CNTNAP2: variants seen among roughly 807,000 people sequenced by gnomAD.
CNTNAP2 encodes contactin associated protein 2, also known as contactin-associated protein-like 2.
CNTNAP2 carries 98 observed loss-of-function variants against 155.2 expected under a neutral mutation model. The observed-to-expected ratio is 0.63, with a 90% CI of 0.54 to 0.75. The LOEUF (loss-of-function observed/expected upper bound fraction) is 0.75. Ranked by LOEUF, CNTNAP2 falls within the 30% of genes least tolerant of loss-of-function variation. The pLI, the probability that CNTNAP2 is intolerant of heterozygous loss-of-function variation, is 0.00. For missense variants in CNTNAP2, 1,727 were observed against 1,688.1 expected, an observed-to-expected ratio of 1.02 and a Z score of -0.40; for synonymous variants, 651 against 631.2, an observed-to-expected ratio of 1.03 and a Z score of -0.47.
At chr7:146,997,497 C>T (rs1798333043) in intron 3 of CNTNAP2, among the ~76,000 whole-genome samples, 1 of 151,982 alleles carries the variant, frequency 6.6e-6, no homozygotes, top group South Asian at 2.1e-4. Flanking sequence ...GATTTCAAAC[C>T]TATGTTCATC....
At chr7:146,169,540 T>A (rs1042683179) in intron 1 of CNTNAP2, among the ~76,000 whole-genome samples, 1 of 152,192 alleles carries the variant, frequency 6.6e-6, no homozygotes, top group Non-Finnish European at 1.5e-5. Flanking sequence ...AAATTTCAAG[T>A]ATACAGTATA....
intron 1 of CNTNAP2, among the ~76,000 whole-genome samples, chr7:146,340,254 A>G (rs1310674384): frequency 1.3e-5 from 2 of 148,528 alleles, no homozygotes; most frequent in Non-Finnish European, 3.0e-5. Context: ...CTCAGGAGAC[A>G]GGATAACCTT....
intron 16 of CNTNAP2, among the ~76,000 whole-genome samples, chr7:148,133,499 T>C (rs1240063317): frequency 1.3e-5 from 2 of 152,092 alleles, no homozygotes; most frequent in Non-Finnish European, 1.5e-5. Flanking sequence ...CATGCTATGC[T>C]CTGGTCCATG....
At chr7:147,588,767 A>G (rs115876499) in intron 12 of CNTNAP2, among the ~76,000 whole-genome samples, 105 of 152,314 alleles carry the variant, frequency 6.9e-4, no homozygotes, top group Middle Eastern at 6.8e-3. Context: ...TATAGCATCA[A>G]TAATTCACAC....
chr7:148,291,185 C>G (rs1585246793), intron 21 of CNTNAP2, among the ~76,000 whole-genome samples: 1 of 151,802 alleles, frequency 6.6e-6, no homozygotes, highest in African/African-American at 2.4e-5. Flanking sequence ...TGACTTCAAT[C>G]ACATGGTAAA....
chr7:147,072,455 C>G (rs1299925839), intron 4 of CNTNAP2, among the ~76,000 whole-genome samples: 1 of 149,452 alleles, frequency 6.7e-6, no homozygotes, highest in Non-Finnish European at 1.5e-5. Context: ...AAGCCTTGCT[C>G]TGGCTGTGGT....
chr7:148,004,951 G>T (rs182960810), intron 15 of CNTNAP2, among the ~76,000 whole-genome samples: 1 of 152,272 alleles, frequency 6.6e-6, no homozygotes, highest in Admixed American at 6.5e-5. Flanking sequence ...GTAAATCAAG[G>T]TGCTGAATTC....
intron 21 of CNTNAP2, among the ~76,000 whole-genome samples, chr7:148,277,660 G>C (rs1796897314): frequency 6.8e-6 from 1 of 148,036 alleles, no homozygotes; most frequent in African/African-American, 2.5e-5. Context: ...CAAGGCAAGA[G>C]CCCTAAACCC....
intron 10 of CNTNAP2, among the ~76,000 whole-genome samples, chr7:147,485,242 A>G (rs1309246111): frequency 6.6e-6 from 1 of 152,228 alleles, no homozygotes; most frequent in Non-Finnish European, 1.5e-5. Context: ...ATTATTTGTA[A>G]GATAGAATTA....
At chr7:147,393,333 C>T (rs1479779334) in intron 9 of CNTNAP2, among the ~76,000 whole-genome samples, 1 of 152,028 alleles carries the variant, frequency 6.6e-6, no homozygotes, top group African/African-American at 2.4e-5. Context: ...ATGATGAATT[C>T]TTGTTTTACA....
chr7:147,312,347 G>T (rs1339751704), intron 9 of CNTNAP2, among the ~76,000 whole-genome samples: 1 of 150,964 alleles, frequency 6.6e-6, no homozygotes, highest in East Asian at 2.0e-4. Flanking sequence ...TGCCATGCTG[G>T]TGTGCTGCAC....
At chr7:147,067,090 A>G (rs1799794536) in intron 4 of CNTNAP2, among the ~76,000 whole-genome samples, 1 of 152,160 alleles carries the variant, frequency 6.6e-6, no homozygotes, top group Non-Finnish European at 1.5e-5. Context: ...CAAGAGACCG[A>G]GGCCATCCTG....
At chr7:147,960,342 C>A (rs1035304888) in intron 14 of CNTNAP2, among the ~76,000 whole-genome samples, 1 of 152,094 alleles carries the variant, frequency 6.6e-6, no homozygotes, top group African/African-American at 2.4e-5. Context: ...TTTATGCCGT[C>A]ACTGGCAAAA....
chr7:147,981,786 G>GGTGTGTGTGTGTGTGTGTGTGTGTGT (rs57272792), intron 15 of CNTNAP2, among the ~76,000 whole-genome samples: 19 of 143,776 alleles, frequency 1.3e-4, no homozygotes, highest in East Asian at 1.2e-3. Context: ...TGTCCTTACA[G>GGTGTGTGTGTGTGTGTGTGTGTGTGT]GTGTGTGTGT....
chr7:147,223,049 C>A (rs1803440774), intron 8 of CNTNAP2, among the ~76,000 whole-genome samples: 1 of 152,142 alleles, frequency 6.6e-6, no homozygotes, highest in Admixed American at 6.5e-5. Context: ...AGATTTTTCT[C>A]CAATATTTGC....
intron 11 of CNTNAP2, among the ~76,000 whole-genome samples, chr7:147,513,214 A>G (rs528571757): frequency 6.6e-6 from 1 of 152,318 alleles, no homozygotes; most frequent in African/African-American, 2.4e-5. Flanking sequence ...ACTAAAGAGG[A>G]ATAAAAGACC....
chr7:147,673,656 G>T (rs1328791503), intron 13 of CNTNAP2, among the ~76,000 whole-genome samples: 5 of 152,146 alleles, frequency 3.3e-5, no homozygotes, highest in African/African-American at 1.2e-4. Context: ...GATGATGTTG[G>T]TAACACTCTG....
At chr7:148,083,420 G>A (rs527317092) in intron 15 of CNTNAP2, among the ~76,000 whole-genome samples, 1 of 152,218 alleles carries the variant, frequency 6.6e-6, no homozygotes, top group Admixed American at 6.5e-5. Flanking sequence ...AAACGAGGCA[G>A]GAATGATGCA....
intron 21 of CNTNAP2, among the ~76,000 whole-genome samples, chr7:148,276,704 G>A (rs915083143): frequency 6.6e-6 from 1 of 152,206 alleles, no homozygotes; most frequent in Non-Finnish European, 1.5e-5. Context: ...AGTCAAGGAA[G>A]GATGTTTTTT....
Sources: allele counts gnomAD v4.1 joint callset (sites outside exome capture counted in the v4.1 genomes callset), GRCh38; gene constraint gnomAD v4.1.1; transcripts MANE v1.5; gene names NCBI Gene and HGNC (gene_info 2026-07-23, HGNC 2026-07-21).